Variants in SPHKAP observed in about 807,000 individuals in gnomAD.
SPHKAP encodes the protein A-kinase anchor protein SPHKAP.
A neutral mutation model predicts 137.5 loss-of-function variants in SPHKAP; 67 were observed. The ratio of observed to expected loss-of-function variants is 0.49; its 90% CI spans 0.40 to 0.60. The LOEUF (loss-of-function observed/expected upper bound fraction) is 0.60. SPHKAP is among the 20% of genes least tolerant of loss of function. The pLI, the probability that SPHKAP is intolerant of heterozygous loss-of-function variation, is 0.00. For missense variants in SPHKAP, 2,097 were observed against 2,069.3 expected, an observed-to-expected ratio of 1.01 and a Z score of -0.26; for synonymous variants, 813 against 785.3, an observed-to-expected ratio of 1.04 and a Z score of -0.59.
intron 7 of SPHKAP, among the ~76,000 whole-genome samples, chr2:228,006,468 C>A (rs2106190067): frequency 6.6e-6 from 1 of 152,204 alleles, no homozygotes; most frequent in East Asian, 1.9e-4. Context: ...TTTTTAACTT[C>A]TTTGCCATGG....
intron 1 of SPHKAP, among the ~76,000 whole-genome samples, chr2:228,179,534 A>G (rs921202923): frequency 6.6e-6 from 1 of 152,188 alleles, no homozygotes; most frequent in African/African-American, 2.4e-5. Flanking sequence ...CATGATTAAG[A>G]ATGCTAATAA....
At chr2:227,993,445 G>A in intron 9 of SPHKAP, 89 bp downstream of exon 9, 1 of 1,194,518 alleles carries the variant, frequency 8.4e-7, no homozygotes. Flanking sequence ...TGAGGTCAGT[G>A]GTTGGGCACA....
chr2:228,001,268 T>A (rs933727284), intron 7 of SPHKAP, among the ~76,000 whole-genome samples: 3 of 110,478 alleles, frequency 2.7e-5, no homozygotes, highest in Non-Finnish European at 3.7e-5. Flanking sequence ...CACACATATA[T>A]AAATATATCT....
intron 1 of SPHKAP, among the ~76,000 whole-genome samples, chr2:228,150,010 A>C (rs923565610): frequency 1.3e-5 from 2 of 152,258 alleles, no homozygotes; most frequent in East Asian, 3.9e-4. Flanking sequence ...TTACACCACC[A>C]TGTATTATGC....
chr2:228,160,160 A>T (rs965720143), intron 1 of SPHKAP, among the ~76,000 whole-genome samples: 1 of 152,204 alleles, frequency 6.6e-6, no homozygotes, highest in Admixed American at 6.5e-5. Flanking sequence ...GGAATCTGGC[A>T]TGGAAGCAGG....
At chr2:228,151,521 A>G (rs1332606585) in intron 1 of SPHKAP, among the ~76,000 whole-genome samples, 2 of 152,174 alleles carry the variant, frequency 1.3e-5, no homozygotes, top group African/African-American at 2.4e-5. Flanking sequence ...GACTTCCACA[A>G]TGGTTGAACT....
chr2:228,157,124 G>T (rs1444726717), intron 1 of SPHKAP, among the ~76,000 whole-genome samples: 1 of 152,030 alleles, frequency 6.6e-6, no homozygotes, highest in Non-Finnish European at 1.5e-5. Context: ...AGTAAAATAT[G>T]TAAGATATGA....
intron 3 of SPHKAP, among the ~76,000 whole-genome samples, chr2:228,056,881 A>C (rs547453700): frequency 2.6e-5 from 4 of 152,322 alleles, no homozygotes; most frequent in Admixed American, 2.6e-4. Context: ...TGTTCCTGAG[A>C]GTAGCCTGGA....
intron 3 of SPHKAP, among the ~76,000 whole-genome samples, chr2:228,104,067 T>C (rs1320166308): frequency 6.6e-6 from 1 of 151,754 alleles, no homozygotes; most frequent in Non-Finnish European, 1.5e-5. Flanking sequence ...TTTCAGTAAG[T>C]CTAAAATTAA....
intron 3 of SPHKAP, among the ~76,000 whole-genome samples, chr2:228,037,096 G>T (rs1695649595): frequency 6.6e-6 from 1 of 152,014 alleles, no homozygotes; most frequent in South Asian, 2.1e-4. Flanking sequence ...GGAAACTACT[G>T]TACAGTTTCT....
At chr2:228,109,446 T>A in intron 2 of SPHKAP, 1 of 870,970 alleles carries the variant, frequency 1.1e-6, no homozygotes, top group South Asian at 5.3e-5. Flanking sequence ...AGTTTAAAAG[T>A]TGTTAGAAAT....
At chr2:228,094,017 T>A (rs764594442) in intron 3 of SPHKAP, among the ~76,000 whole-genome samples, 1 of 151,964 alleles carries the variant, frequency 6.6e-6, no homozygotes, top group Non-Finnish European at 1.5e-5. Context: ...TTGATACAAA[T>A]GTGAGAATCT....
At chr2:228,072,420 C>T (rs1353006051) in intron 3 of SPHKAP, among the ~76,000 whole-genome samples, 2 of 152,038 alleles carry the variant, frequency 1.3e-5, no homozygotes, top group African/African-American at 4.8e-5. Context: ...TTTATTCATG[C>T]TAGACCAGAC....
chr2:228,113,758 A>C (rs1698605644), intron 2 of SPHKAP, among the ~76,000 whole-genome samples: 1 of 151,938 alleles, frequency 6.6e-6, no homozygotes, highest in African/African-American at 2.4e-5. Flanking sequence ...AAACAATTAA[A>C]GCAAATGATC....
At chr2:228,032,623 G>C (rs576484601) in intron 3 of SPHKAP, among the ~76,000 whole-genome samples, 1 of 152,190 alleles carries the variant, frequency 6.6e-6, no homozygotes, top group Non-Finnish European at 1.5e-5. Flanking sequence ...AGGGCAGCCA[G>C]AGAGAAAGGT....
intron 2 of SPHKAP, among the ~76,000 whole-genome samples, chr2:228,117,864 G>A (rs1336356907): frequency 4.9e-4 from 67 of 135,940 alleles, no homozygotes; most frequent in African/African-American, 1.8e-3. Context: ...GGTGAATAAA[G>A]AAAATTGCAA....
chr2:228,155,768 A>C (rs1700090252), intron 1 of SPHKAP, among the ~76,000 whole-genome samples: 1 of 152,224 alleles, frequency 6.6e-6, no homozygotes, highest in Admixed American at 6.5e-5. Flanking sequence ...TGCTTCTCTT[A>C]TTCCTAAAAT....
At chr2:228,006,475 A>G (rs879368328) in intron 7 of SPHKAP, among the ~76,000 whole-genome samples, 4 of 152,066 alleles carry the variant, frequency 2.6e-5, no homozygotes, top group Non-Finnish European at 4.4e-5. Context: ...CTTCTTTGCC[A>G]TGGTTTCAAA....
At chr2:228,021,640 T>G in intron 6 of SPHKAP, 71 bp downstream of exon 6, 1 of 1,538,008 alleles carries the variant, frequency 6.5e-7, no homozygotes, top group Non-Finnish European at 8.7e-7. Context: ...GCCTGGAACT[T>G]TTCTGAAATC....
Sources: allele counts gnomAD v4.1 joint callset (sites outside exome capture counted in the v4.1 genomes callset), GRCh38; gene constraint gnomAD v4.1.1; transcripts MANE v1.5; gene names NCBI Gene and HGNC (gene_info 2026-07-23, HGNC 2026-07-21).